TMEM163: variants seen among roughly 807,000 people sequenced by gnomAD.
TMEM163 encodes transmembrane protein 163.
A neutral mutation model predicts 29.3 loss-of-function variants in TMEM163; 17 were observed. That is an observed-to-expected ratio of 0.58 (90% CI 0.40 to 0.87). The LOEUF (loss-of-function observed/expected upper bound fraction) is 0.87, where lower values mean the gene tolerates loss of function less well. TMEM163 is among the 40% of genes least tolerant of loss of function. TMEM163 has a pLI of 0.00. For synonymous variants in TMEM163, 157 were observed against 160.6 expected (o/e 0.98, Z 0.17); for missense variants, 303 against 381.5 (o/e 0.79, Z 1.71).
rs1274498159 is a variant in TMEM163 at position 134,713,140 on chromosome 2, A to G, written c.322+60T>C. Reference sequence around the variant, plus strand: ...AAAAGCAAAAGCACATCCCACAGGAATTAGAGAATAAAACGGGCAACAGCA... The same window carrying G: ...AAAAGCAAAAGCACATCCCACAGGAGTTAGAGAATAAAACGGGCAACAGCA... On this transcript the variant is annotated intron_variant, in intron 2 of 7. Transcript: ENST00000281924. 3.8e-6 allele frequency: 6 copies of G among 1,581,980 alleles called. No homozygotes were observed. The East Asian group carries it at 1.3e-4, about 35-fold the overall frequency.
At chr2:134,620,850 T>C (rs1682715411) in intron 2 of TMEM163, among the ~76,000 whole-genome samples, 1 of 152,090 alleles carries the variant, frequency 6.6e-6, no homozygotes. Flanking sequence ...CAGCACTAAA[T>C]GTAAGAGCTA....
intron 2 of TMEM163, among the ~76,000 whole-genome samples, chr2:134,619,103 A>C (rs1682672830): frequency 6.6e-6 from 1 of 152,208 alleles, no homozygotes; most frequent in African/African-American, 2.4e-5. Context: ...TATGCAAAAA[A>C]CTGAATTTGT....
Position 134,455,786 on chromosome 2 carries a change from A to C in TMEM163, c.*930T>G, listed in dbSNP as rs1294015791. The C allele has an allele frequency of 6.6e-6, 1 of 152,280 alleles. No homozygotes were observed. The highest frequency in any genetic ancestry group is 2.4e-5 in the African/African-American group (1 of 41,424). 9.4% of individuals were successfully genotyped at this position (152,280 alleles called of 1,614,324 possible). On this transcript the variant is annotated 3_prime_UTR_variant, in exon 8 of 8. Coordinates refer to ENST00000281924, the MANE Select transcript of TMEM163 (RefSeq NM_030923.5). Reference sequence around the variant, plus strand: ...CCATACAAAACAGGTAAAGGTCTTTATTGGTCAGCCACTACTGCCCGGGCA... The same window carrying C: ...CCATACAAAACAGGTAAAGGTCTTTCTTGGTCAGCCACTACTGCCCGGGCA...
chr2:134,527,336 A>C (rs953898189), intron 4 of TMEM163, among the ~76,000 whole-genome samples: 2 of 152,180 alleles, frequency 1.3e-5, no homozygotes, highest in African/African-American at 4.8e-5. Flanking sequence ...AGAGAGAGGA[A>C]GGAAGGGAGG....
chr2:134,672,617 T>C (rs1341996007), intron 2 of TMEM163, among the ~76,000 whole-genome samples: 2 of 151,996 alleles, frequency 1.3e-5, no homozygotes, highest in Non-Finnish European at 2.9e-5. Flanking sequence ...ACTAAAGCGA[T>C]CCTCCCACTT....
intron 2 of TMEM163, among the ~76,000 whole-genome samples, chr2:134,648,719 A>G (rs1253208686): frequency 6.6e-6 from 1 of 152,198 alleles, no homozygotes; most frequent in Non-Finnish European, 1.5e-5. Context: ...AATCTGTGTA[A>G]GTGTTGTTGC....
intron 2 of TMEM163, among the ~76,000 whole-genome samples, chr2:134,684,749 C>T (rs1283957109): frequency 6.6e-6 from 1 of 151,948 alleles, no homozygotes; most frequent in Non-Finnish European, 1.5e-5. Flanking sequence ...CATGGTGAAA[C>T]TCCATCTCTA....
intron 2 of TMEM163, among the ~76,000 whole-genome samples, chr2:134,693,525 C>T (rs565023999): frequency 2.7e-5 from 4 of 149,990 alleles, no homozygotes; most frequent in South Asian, 2.1e-4. Flanking sequence ...AGGAGAATTG[C>T]TTGAGCCCAA....
Position 134,456,152 on chromosome 2 carries a change from A to AAATAG in TMEM163, c.*559_*563dup, listed in dbSNP as rs1335141287. 2 of 153,330 alleles carry AAATAG rather than the reference A, an allele frequency of 1.3e-5. No homozygotes were observed. Among genetic ancestry groups the AAATAG allele is most frequent in the African/African-American group, 4.8e-5 (2 of 41,458 alleles). 9.5% of individuals were successfully genotyped at this position (153,330 alleles called of 1,614,324 possible). ...TACGTGTATCACTAAGTACTTTAAA[A>AAATAG]AATAGAATGGTCTCCTTTTGAGCAA... is the stretch of plus-strand genomic sequence containing the variant. On this transcript the variant is annotated 3_prime_UTR_variant, in exon 8 of 8. Coordinates refer to ENST00000281924, the MANE Select transcript of TMEM163 (RefSeq NM_030923.5).
intron 2 of TMEM163, among the ~76,000 whole-genome samples, chr2:134,619,328 T>G (rs1682677626): frequency 6.6e-6 from 1 of 152,230 alleles, no homozygotes; most frequent in African/African-American, 2.4e-5. Flanking sequence ...CAATGTCCTT[T>G]ATGAATGTAG....
chr2:134,601,036 G>GTA (rs1420499923), intron 2 of TMEM163, among the ~76,000 whole-genome samples: 2 of 151,796 alleles, frequency 1.3e-5, no homozygotes, highest in Non-Finnish European at 2.9e-5. Context: ...ACACACGCAT[G>GTA]TATATATATG....
intron 2 of TMEM163, among the ~76,000 whole-genome samples, chr2:134,701,055 G>A (rs754957196): frequency 6.6e-6 from 1 of 151,766 alleles, no homozygotes; most frequent in Non-Finnish European, 1.5e-5. Context: ...CGGTCCACAT[G>A]GTCTAACCAG....
chr2:134,624,576 C>G (rs1682808680), intron 2 of TMEM163, among the ~76,000 whole-genome samples: 1 of 152,080 alleles, frequency 6.6e-6, no homozygotes, highest in Non-Finnish European at 1.5e-5. Flanking sequence ...ATGGAACAAA[C>G]CTGCACATGT....
At chr2:134,465,221 T>A (rs932373070) in intron 6 of TMEM163, among the ~76,000 whole-genome samples, 51 of 117,234 alleles carry the variant, frequency 4.4e-4, no homozygotes, top group African/African-American at 2.3e-3. Context: ...AAAACAAAAA[T>A]ATATATATAT....
chr2:134,515,772 A>C (rs986179614), intron 4 of TMEM163, among the ~76,000 whole-genome samples: 1 of 152,220 alleles, frequency 6.6e-6, no homozygotes, highest in African/African-American at 2.4e-5. Flanking sequence ...CCCAGGGGGA[A>C]ATTTTTGGAA....
chr2:134,638,950 C>T (rs558162922), intron 2 of TMEM163, among the ~76,000 whole-genome samples: 1 of 152,246 alleles, frequency 6.6e-6, no homozygotes, highest in Admixed American at 6.5e-5. Context: ...TGGGAACAGA[C>T]CTTTAGGCAC....
chr2:134,545,239 C>G (rs1027885880), intron 4 of TMEM163, among the ~76,000 whole-genome samples: 11 of 152,140 alleles, frequency 7.2e-5, no homozygotes, highest in Non-Finnish European at 1.5e-4. Flanking sequence ...CCACCCGCAC[C>G]CCCAGGCTCC....
intron 2 of TMEM163, among the ~76,000 whole-genome samples, chr2:134,699,439 G>T: frequency 6.6e-6 from 1 of 152,064 alleles, no homozygotes. Context: ...AAGAGGCAGA[G>T]GTTGCAGTGA....
intron 4 of TMEM163, among the ~76,000 whole-genome samples, chr2:134,546,781 C>T (rs1680798098): frequency 6.6e-6 from 1 of 152,016 alleles, no homozygotes; most frequent in African/African-American, 2.4e-5. Flanking sequence ...CCACCGCACT[C>T]CAGCCTGGGC....
Sources: gnomAD v4.1 joint callset for allele counts (sites outside exome capture counted in the v4.1 genomes callset) on GRCh38, gnomAD v4.1.1 for gene constraint, MANE v1.5 for transcripts, NCBI Gene and HGNC (gene_info 2026-07-23, HGNC 2026-07-21) for gene names.